RFX3: variants seen among roughly 807,000 people sequenced by gnomAD.
RFX3 encodes the protein transcription factor RFX3.
RFX3 carries 14 observed loss-of-function variants against 98.6 expected under a neutral mutation model. The observed-to-expected ratio is 0.14, with a 90% CI of 0.09 to 0.22. The LOEUF (loss-of-function observed/expected upper bound fraction) is 0.22. Among genes scored for constraint, RFX3 ranks in the 10% least tolerant of loss-of-function variants. The pLI, the probability that RFX3 is intolerant of heterozygous loss-of-function variation, is 1.00. For synonymous variants in RFX3, 383 were observed against 328.4 expected (o/e 1.17, Z -1.80); for missense variants, 639 against 926.9 (o/e 0.69, Z 4.03).
rs544085143 is a variant in RFX3, at chr9:3,224,054, G to C, written c.*988C>G. Reference sequence around the variant, plus strand: ...CATTCCTTGCATTCTATAAATTCTCGTTTATAATAGCAGCATATTGAACTA... The same window carrying C: ...CATTCCTTGCATTCTATAAATTCTCCTTTATAATAGCAGCATATTGAACTA... On this transcript the variant is annotated 3_prime_UTR_variant, in exon 17 of 17. Coordinates refer to ENST00000617270, the MANE Select transcript of RFX3 (RefSeq NM_001282116.2). 1.3e-5 allele frequency: 2 copies of C among 151,904 alleles called. No individual in the cohort carries two copies. Among genetic ancestry groups the C allele is most frequent in the African/African-American group, 2.4e-5 (1 of 41,338 alleles). 9.4% of individuals were successfully genotyped at this position (151,904 alleles called of 1,614,324 possible).
chr9:3,427,883 C>G (rs886615843), intron 1 of RFX3, among the ~76,000 whole-genome samples: 2 of 152,098 alleles, frequency 1.3e-5, no homozygotes, highest in Non-Finnish European at 2.9e-5. Flanking sequence ...CTTCACCCTT[C>G]TGGTGCCCCG....
At chr9:3,383,021 G>T (rs1441195574) in intron 2 of RFX3, among the ~76,000 whole-genome samples, 1 of 151,878 alleles carries the variant, frequency 6.6e-6, no homozygotes, top group African/African-American at 2.4e-5. Context: ...TTTCAGATTG[G>T]CAAAGTTATT....
Position 3,218,407 on chromosome 9 carries a change from CCTA to C in RFX3, c.*6632_*6634del, listed in dbSNP as rs1470438387. On this transcript the variant is annotated 3_prime_UTR_variant, in exon 17 of 17. Transcript: ENST00000617270. ...TCAAGTCTGAAATATTCAGAAAAAT[CCTA>C]CTAATATCTTTAGTATGTTCCAGTC... 4 of 152,010 alleles carry C rather than the reference CCTA, an allele frequency of 2.6e-5. No individual in the cohort carries two copies. The highest frequency in any genetic ancestry group is 4.4e-5 in the Non-Finnish European group (3 of 67,974). 9.4% of individuals were successfully genotyped at this position (152,010 alleles called of 1,614,324 possible).
chr9:3,321,990 A>T (rs1831378129), intron 4 of RFX3, among the ~76,000 whole-genome samples: 1 of 152,028 alleles, frequency 6.6e-6, no homozygotes, highest in Non-Finnish European at 1.5e-5. Flanking sequence ...TTACTAGTCT[A>T]TTCATGTGCT....
At chr9:3,395,387 T>G in intron 2 of RFX3, 85 bp downstream of exon 2, 1 of 1,483,706 alleles carries the variant, frequency 6.7e-7, no homozygotes, top group Non-Finnish European at 9.3e-7. Flanking sequence ...GACAGTAAAG[T>G]TCAAATAATT....
At chr9:3,448,439 T>A (rs774714333) in intron 1 of RFX3, among the ~76,000 whole-genome samples, 6 of 152,190 alleles carry the variant, frequency 3.9e-5, no homozygotes, top group Non-Finnish European at 4.4e-5. Context: ...ATCAGCTGTA[T>A]CACCATGAGT....
chr9:3,350,270 T>C (rs140847919), intron 2 of RFX3, among the ~76,000 whole-genome samples: 1 of 152,082 alleles, frequency 6.6e-6, no homozygotes, highest in African/African-American at 2.4e-5. Flanking sequence ...AACTCAACAA[T>C]AAGAAAATAA....
At chr9:3,361,036 A>C (rs1836364233) in intron 2 of RFX3, among the ~76,000 whole-genome samples, 1 of 152,198 alleles carries the variant, frequency 6.6e-6, no homozygotes, top group African/African-American at 2.4e-5. Context: ...TTCAAACCTT[A>C]GTTTTCAGAA....
chr9:3,366,706 CTTTCTTTCTTTCTTTCT>C (rs1350245490), intron 2 of RFX3, among the ~76,000 whole-genome samples: 1 of 88,716 alleles, frequency 1.1e-5, no homozygotes, highest in South Asian at 3.5e-4. Flanking sequence ...TTCTTTCTTT[CTTTCTTTCTTTCTTTCT>C]TTCTTTCTTT....
intron 1 of RFX3, among the ~76,000 whole-genome samples, chr9:3,518,975 C>A (rs1203904379): frequency 6.6e-6 from 1 of 152,190 alleles, no homozygotes; most frequent in Non-Finnish European, 1.5e-5. Flanking sequence ...CATCTTTACA[C>A]AACTGACTAG....
chr9:3,328,373 G>A (rs1002712841), intron 4 of RFX3, among the ~76,000 whole-genome samples: 1 of 151,970 alleles, frequency 6.6e-6, no homozygotes, highest in Non-Finnish European at 1.5e-5. Flanking sequence ...AAAGCTAGGA[G>A]GAAACTAGGA....
intron 3 of RFX3, among the ~76,000 whole-genome samples, chr9:3,343,675 A>C (rs1025727840): frequency 2.0e-5 from 3 of 152,216 alleles, no homozygotes; most frequent in Non-Finnish European, 2.9e-5. Flanking sequence ...ACATTTCCTT[A>C]TTAAGTATAA....
chr9:3,374,160 CAAG>C (rs1471597692), intron 2 of RFX3, among the ~76,000 whole-genome samples: 1 of 151,958 alleles, frequency 6.6e-6, no homozygotes, highest in African/African-American at 2.4e-5. Flanking sequence ...TGGTTACTGT[CAAG>C]AAAAGAGAAA....
chr9:3,520,069 C>G (rs183810326), intron 1 of RFX3, among the ~76,000 whole-genome samples: 1 of 152,150 alleles, frequency 6.6e-6, no homozygotes, highest in African/African-American at 2.4e-5. Flanking sequence ...ATGACTATGC[C>G]ACTGCACTCC....
chr9:3,248,018 T>G lies in RFX3; in HGVS notation c.1968+14A>C, dbSNP rs1052029877. ...AATAACCCAGTGGGTCACAGCTCTT[T>G]CAGCCTCTCTTACCTCGCCCATGAC... On this transcript the variant is annotated intron_variant, in intron 15 of 16. Transcript: ENST00000617270. The G allele has an allele frequency of 1.9e-6, 3 of 1,613,970 alleles. No homozygotes were observed. The African/African-American group carries it at 4.0e-5, about 22-fold the overall frequency.
At chr9:3,255,726 G>A (rs918547363) in intron 14 of RFX3, among the ~76,000 whole-genome samples, 26 of 152,098 alleles carry the variant, frequency 1.7e-4, no homozygotes, top group Admixed American at 1.5e-3. Flanking sequence ...CTTTGTGGCC[G>A]AGTTATGGTC....
chr9:3,366,155 T>C (rs1345790934), intron 2 of RFX3, among the ~76,000 whole-genome samples: 6 of 152,086 alleles, frequency 3.9e-5, no homozygotes, highest in African/African-American at 9.7e-5. Flanking sequence ...CATGGTACTG[T>C]TGCTCATAGC....
intron 1 of RFX3, among the ~76,000 whole-genome samples, chr9:3,412,631 T>C (rs1362101196): frequency 1.3e-5 from 2 of 152,132 alleles, no homozygotes; most frequent in Non-Finnish European, 2.9e-5. Flanking sequence ...CTTAGGGTAG[T>C]TTCAGGAGAT....
chr9:3,470,384 G>C (rs916869266), intron 1 of RFX3, among the ~76,000 whole-genome samples: 3 of 148,638 alleles, frequency 2.0e-5, no homozygotes, highest in Non-Finnish European at 3.0e-5. Context: ...GTGCGATCTT[G>C]ACTCACTACA....
Sources: gnomAD v4.1 joint callset for allele counts (sites outside exome capture counted in the v4.1 genomes callset) on GRCh38, gnomAD v4.1.1 for gene constraint, MANE v1.5 for transcripts, NCBI Gene and HGNC (gene_info 2026-07-23, HGNC 2026-07-21) for gene names.